Variants in COL19A1 observed in about 807,000 individuals in gnomAD.
COL19A1 encodes collagen alpha-1(XIX) chain.
Under a neutral mutation model 190.2 loss-of-function variants are expected in COL19A1, and 159 were observed. The observed-to-expected ratio is 0.84, with a 90% confidence interval of 0.73 to 0.95. COL19A1 has a LOEUF of 0.95. COL19A1 is among the 40% of genes least tolerant of loss of function. The pLI is 0.00. For missense variants in COL19A1, 1,418 were observed against 1,431.9 expected (o/e 0.99, Z 0.16); for synonymous variants, 509 against 458.9 (o/e 1.11, Z -1.39).
chr6:70,131,046 T>C (rs1439081880), intron 18 of COL19A1: 1 of 462,836 alleles, frequency 2.2e-6, no homozygotes, highest in Non-Finnish European at 4.5e-6. Flanking sequence ...CCCCTTGTCA[T>C]TTGCAGGTTT....
At chr6:70,114,976 C>T (rs569178172) in intron 16 of COL19A1, among the ~76,000 whole-genome samples, 3 of 152,274 alleles carry the variant, frequency 2.0e-5, no homozygotes, top group East Asian at 1.9e-4. Flanking sequence ...TTTCCCTGAG[C>T]TTATTTCCAT....
intron 44 of COL19A1, among the ~76,000 whole-genome samples, chr6:70,182,647 A>G (rs1272654365): frequency 6.6e-6 from 1 of 152,218 alleles, no homozygotes; most frequent in Non-Finnish European, 1.5e-5. Flanking sequence ...CTTGATGTCA[A>G]GTGAACTGTT....
chr6:69,987,376 T>C (rs775266402), intron 11 of COL19A1, among the ~76,000 whole-genome samples: 16 of 152,216 alleles, frequency 1.1e-4, no homozygotes, highest in Non-Finnish European at 2.4e-4. Flanking sequence ...ATTATCCTCT[T>C]GACTCAGTGA....
In COL19A1 at chr6:70,035,932, C is replaced by A; in HGVS notation, c.1163C>A (p.Ala388Asp). The A allele has an allele frequency of 6.2e-7, 1 of 1,613,326 alleles. No individual in the cohort carries two copies. The highest frequency in any genetic ancestry group is 8.5e-7 in the Non-Finnish European group (1 of 1,179,382). ...GATACAGGACCCCCAGGACCACCAG[C>A]CTTACCTGTAAGTATTCTTGAAATC... ...KGDTGPPGPPALPGSLGIQGP... is the reference protein window; with the variant it reads ...KGDTGPPGPPDLPGSLGIQGP... Residue 388 changes from alanine to aspartate, a missense_variant, in exon 14 of 51, where the codon GCC (alanine) becomes GAC (aspartate). Physicochemically the swap from Ala to Asp is moderately radical, Grantham distance 126. Coordinates refer to ENST00000620364, the MANE Select transcript of COL19A1 (RefSeq NM_001858.6).
intron 11 of COL19A1, chr6:69,974,231 ATTG>A (rs1775587523): frequency 6.6e-6 from 1 of 152,184 alleles, no homozygotes; most frequent in Non-Finnish European, 1.5e-5. Context: ...ACTTTTCCTT[ATTG>A]TTCCTCATTT....
chr6:70,149,911 A>G lies in COL19A1; in HGVS notation c.1983+7A>G. 3 of 1,613,710 alleles carry G rather than the reference A, an allele frequency of 1.9e-6. No homozygotes were observed. Among genetic ancestry groups the G allele is most frequent in the Non-Finnish European group, 2.5e-6 (3 of 1,179,780 alleles). On this transcript the variant is annotated splice_region_variant and intron_variant, in intron 29 of 50. Coordinates refer to ENST00000620364, the MANE Select transcript of COL19A1 (RefSeq NM_001858.6). Reference sequence around the variant, plus strand: ...AGGGACTCCAGGGAATGATGTAAGGACTTTCTTTATCTACCCTCCCCCATT... The same window carrying G: ...AGGGACTCCAGGGAATGATGTAAGGGCTTTCTTTATCTACCCTCCCCCATT...
chr6:70,210,517 G>A lies in COL19A1; in HGVS notation c.*3243G>A, dbSNP rs1194627795. On this transcript the variant is annotated 3_prime_UTR_variant, in exon 51 of 51. Transcript: ENST00000620364. ...AATTTTAGTCACTTAAAGAACTTAA[G>A]CAATTATATTAAAATACGTTGTCTG... is the stretch of plus-strand genomic sequence containing the variant. Among the ~76,000 whole-genome samples, 2 of 152,106 alleles carry A rather than the reference G, an allele frequency of 1.3e-5. No individual in the cohort carries two copies. Among genetic ancestry groups the A allele is most frequent in the African/African-American group, 4.8e-5 (2 of 41,428 alleles).
chr6:70,026,906 C>T (rs1339420703), intron 12 of COL19A1, among the ~76,000 whole-genome samples: 1 of 152,120 alleles, frequency 6.6e-6, no homozygotes, highest in Non-Finnish European at 1.5e-5. Context: ...CTGATCTTCC[C>T]AGTAAATCCT....
At chr6:70,025,059 C>T (rs1395148418) in intron 12 of COL19A1, among the ~76,000 whole-genome samples, 2 of 146,854 alleles carry the variant, frequency 1.4e-5, no homozygotes, top group African/African-American at 2.5e-5. Flanking sequence ...GAGTCTTGCT[C>T]TTTCCCCCAG....
chr6:69,870,485 A>G lies in COL19A1; in HGVS notation c.-33+3845A>G, dbSNP rs558975676. Reference sequence around the variant, plus strand: ...AGACTAAGTGTTTTCCAGATCGGAGAGGATTGGAAGGACTTTCCAGTAGCC... The same window carrying G: ...AGACTAAGTGTTTTCCAGATCGGAGGGGATTGGAAGGACTTTCCAGTAGCC... On this transcript the variant is annotated intron_variant, in intron 1 of 50. Coordinates refer to ENST00000620364, the MANE Select transcript of COL19A1 (RefSeq NM_001858.6). 2.6e-5 allele frequency among the ~76,000 whole-genome samples: 4 copies of G among 152,346 alleles called. No individual in the cohort carries two copies. The East Asian group carries it at 7.7e-4, about 29-fold the overall frequency.
intron 4 of COL19A1, 89 bp from the exon 5 acceptor site, chr6:69,927,820 A>G (rs1772494169): frequency 6.2e-6 from 9 of 1,440,748 alleles, no homozygotes; most frequent in Non-Finnish European, 8.4e-6. Context: ...TATGACTGAG[A>G]TATTGTGTTA....
chr6:70,096,404 C>T (rs148560576), intron 15 of COL19A1, among the ~76,000 whole-genome samples: 1 of 152,174 alleles, frequency 6.6e-6, no homozygotes, highest in Non-Finnish European at 1.5e-5. Context: ...CACAAGTGTT[C>T]CAATTTCTCC....
chr6:70,028,194 G>C (rs1778830270), intron 12 of COL19A1, among the ~76,000 whole-genome samples: 1 of 152,090 alleles, frequency 6.6e-6, no homozygotes, highest in Admixed American at 6.6e-5. Flanking sequence ...TAAAAAATAC[G>C]AGACTCAAAG....
At chr6:69,917,052 G>A (rs1327268242) in intron 4 of COL19A1, among the ~76,000 whole-genome samples, 1 of 152,162 alleles carries the variant, frequency 6.6e-6, no homozygotes, top group East Asian at 1.9e-4. Flanking sequence ...TAGAACTACA[G>A]GAAACTATGA....
At position 70,176,677 on chromosome 6, in the gene COL19A1, T is replaced by C. The variant is rs74560588; in HGVS notation, c.2667+113T>C. On this transcript the variant is annotated intron_variant, in intron 42 of 50. Transcript: ENST00000620364. ...AGAGCATACCATAACTCCCATGGCA[T>C]TAGGTTCCTGACAATTCTAGTTTCA... The C allele has an allele frequency of 8.6e-4, 745 of 866,572 alleles. 17 individuals carry two copies. In the East Asian group the frequency reaches 0.02, roughly 24 times the overall value. The allele number at this position is 866,572 out of a possible 1,614,324, so 53.7% of individuals were successfully genotyped here. A position where few individuals can be genotyped will look rare whatever the true frequency, so the allele number is the denominator to read the frequency against.
intron 18 of COL19A1, 85 bp from the exon 19 acceptor site, chr6:70,137,600 G>A: frequency 8.0e-7 from 1 of 1,246,264 alleles, no homozygotes; most frequent in Non-Finnish European, 1.2e-6. Flanking sequence ...GTTAGCAGGA[G>A]AGCAAGCAAT....
chr6:70,083,992 G>A (rs563988796), intron 15 of COL19A1, among the ~76,000 whole-genome samples: 9 of 151,680 alleles, frequency 5.9e-5, no homozygotes, highest in East Asian at 1.9e-4. Flanking sequence ...TTTTCCCCCC[G>A]GAAAAAAGAT....
In COL19A1 at chr6:70,163,327, G is replaced by A. The variant is rs746263285; in HGVS notation, c.2347-16G>A. On this transcript the variant is annotated splice_polypyrimidine_tract_variant and intron_variant, in intron 35 of 50. Transcript: ENST00000620364. ...AATTGTTGTTTCTGTAACAAACTTAGTTTTGTGTTTTACAGGGCTTAATGG... is the reference window on the plus strand; with the variant it reads ...AATTGTTGTTTCTGTAACAAACTTAATTTTGTGTTTTACAGGGCTTAATGG... 51 of 1,610,220 alleles carry A rather than the reference G, an allele frequency of 3.2e-5. 2 individuals are homozygous for A. In the South Asian group the frequency reaches 5.3e-4, roughly 17 times the overall value.
chr6:69,990,176 T>G (rs1044664564), intron 11 of COL19A1, among the ~76,000 whole-genome samples: 1 of 152,058 alleles, frequency 6.6e-6, no homozygotes. Context: ...TGAACACCTG[T>G]ATATACTTCA....
Sources: gnomAD v4.1 joint callset for allele counts (sites outside exome capture counted in the v4.1 genomes callset) on GRCh38, gnomAD v4.1.1 for gene constraint, MANE v1.5 for transcripts, NCBI Gene and HGNC (gene_info 2026-07-23, HGNC 2026-07-21) for gene names.